The following SLC71A1 variants were observed in gnomAD, a reference collection of about 807,000 sequenced individuals.
The protein encoded by SLC71A1 is hippocampus abundant gene transcript 1.
chr1:100,080,604 C>CAAT, the SLC71A1 span: 10 of 1,614,028 alleles, frequency 6.2e-6, no homozygotes, highest in Admixed American at 3.3e-5. Flanking sequence ...AAAGAACTGC[C>CAAT]AATAACAGGA....
At chr1:100,038,679 C>T in the SLC71A1 span, among the ~76,000 whole-genome samples, 9 of 152,234 alleles carry the variant, frequency 5.9e-5, no homozygotes, top group South Asian at 2.1e-4. Context: ...AGCCTCGCCT[C>T]GCCTTCGCCG....
chr1:100,078,391 T>A, the SLC71A1 span: 1 of 1,091,472 alleles, frequency 9.2e-7, no homozygotes, highest in South Asian at 1.4e-5. Context: ...ATTATGTAGT[T>A]TGACTTTCAG....
chr1:100,062,601 A>G, the SLC71A1 span, among the ~76,000 whole-genome samples: 2 of 152,350 alleles, frequency 1.3e-5, no homozygotes, highest in East Asian at 3.9e-4. Flanking sequence ...ATAGCCAGAA[A>G]TAGGACAGTG....
chr1:100,059,260 G>A, the SLC71A1 span, among the ~76,000 whole-genome samples: 1 of 143,626 alleles, frequency 7.0e-6, no homozygotes, highest in South Asian at 2.3e-4. Flanking sequence ...CCAGGTTCAA[G>A]CGATTCTTCT....
At chr1:100,068,247 C>T in the SLC71A1 span, 1 of 1,368,534 alleles carries the variant, frequency 7.3e-7, no homozygotes, top group Non-Finnish European at 1.0e-6. Context: ...TGATTCAGTG[C>T]AGCATTAATA....
the SLC71A1 span, among the ~76,000 whole-genome samples, chr1:100,070,792 A>G: frequency 6.6e-6 from 1 of 152,046 alleles, no homozygotes; most frequent in African/African-American, 2.4e-5. Context: ...GTCTAAGTTA[A>G]TACTTTTTCT....
the SLC71A1 span, among the ~76,000 whole-genome samples, chr1:100,041,504 G>A: frequency 6.6e-5 from 10 of 152,146 alleles, no homozygotes; most frequent in Non-Finnish European, 1.3e-4. Flanking sequence ...TTTGAAAACA[G>A]CATAAGTAAC....
the SLC71A1 span, among the ~76,000 whole-genome samples, chr1:100,041,921 C>CA: frequency 0.012 from 1,368 of 118,728 alleles, 20 homozygotes; most frequent in African/African-American, 0.026. Flanking sequence ...GAAACTGTCT[C>CA]AAAAAAAAAA....
chr1:100,067,042 T>C, the SLC71A1 span, among the ~76,000 whole-genome samples: 1 of 151,586 alleles, frequency 6.6e-6, no homozygotes, highest in African/African-American at 2.4e-5. Context: ...CTTGCTGTGT[T>C]GCCCAGGCTG....
the SLC71A1 span, chr1:100,077,347 C>A: frequency 1.3e-6 from 1 of 776,020 alleles, no homozygotes; most frequent in South Asian, 1.6e-5. Context: ...ATTTGCTTCT[C>A]AACTGAGGGG....
At chr1:100,071,194 T>A in the SLC71A1 span, among the ~76,000 whole-genome samples, 1 of 150,264 alleles carries the variant, frequency 6.7e-6, no homozygotes, top group Non-Finnish European at 1.5e-5. Context: ...GGTTCATGTC[T>A]GTATTCCCAG....
chr1:100,040,418 A>C, the SLC71A1 span, among the ~76,000 whole-genome samples: 1 of 152,046 alleles, frequency 6.6e-6, no homozygotes, highest in African/African-American at 2.4e-5. Flanking sequence ...TTGCTTATCT[A>C]CCTCTCTACT....
the SLC71A1 span, chr1:100,038,155 G>C: frequency 7.8e-7 from 1 of 1,286,062 alleles, no homozygotes. Flanking sequence ...CCCGGCAGTA[G>C]TGGTGGGACG....
the SLC71A1 span, chr1:100,038,298 C>T: frequency 1.9e-6 from 3 of 1,557,478 alleles, no homozygotes; most frequent in Non-Finnish European, 2.6e-6. Context: ...AGAAGATCAT[C>T]ATTAAGGACG....
the SLC71A1 span, chr1:100,043,132 C>A: frequency 1.0e-6 from 1 of 983,962 alleles, no homozygotes; most frequent in Non-Finnish European, 1.2e-6. Context: ...CCAACATAAT[C>A]AGACCGTCTG....
At chr1:100,082,280 T>C in the SLC71A1 span, 2 of 1,129,740 alleles carry the variant, frequency 1.8e-6, no homozygotes, top group Non-Finnish European at 2.6e-6. Context: ...TGGATGTACA[T>C]TCCATTTCCA....
the SLC71A1 span, chr1:100,038,457 C>T: frequency 1.4e-6 from 1 of 713,298 alleles, no homozygotes. Context: ...GCCTCGGGGT[C>T]GCGGACCCGC....
At chr1:100,068,918 G>A in the SLC71A1 span, among the ~76,000 whole-genome samples, 1 of 152,142 alleles carries the variant, frequency 6.6e-6, no homozygotes, top group Non-Finnish European at 1.5e-5. Context: ...AGGAGGCGGA[G>A]GCTGCAGTGA....
chr1:100,038,157 G>A, the SLC71A1 span: 1 of 1,304,536 alleles, frequency 7.7e-7, no homozygotes, highest in Non-Finnish European at 1.1e-6. Flanking sequence ...CGGCAGTAGT[G>A]GTGGGACGGC....
Sources: allele counts gnomAD v4.1 joint callset (sites outside exome capture counted in the v4.1 genomes callset), GRCh38; gene constraint gnomAD v4.1.1; transcripts MANE v1.5; gene names NCBI Gene and HGNC (gene_info 2026-07-23, HGNC 2026-07-21).